The following SLC35G2 variants were observed in gnomAD, a reference collection of about 807,000 sequenced individuals.
SLC35G2 encodes solute carrier family 35 member G2.
A neutral mutation model predicts 27.2 loss-of-function variants in SLC35G2; 20 were observed. The ratio of observed to expected loss-of-function variants is 0.74; its 90% CI spans 0.52 to 1.07. The LOEUF is 1.07. Among genes scored for constraint, SLC35G2 ranks in the 50% least tolerant of loss-of-function variants. The probability of loss-of-function intolerance (pLI) is 0.00; values close to 1 mark genes in which losing one functional copy is unlikely to be tolerated. For synonymous variants in SLC35G2, 148 were observed against 165.3 expected, an observed-to-expected ratio of 0.90 and a Z score of 0.80; for missense variants, 416 against 493.3, an observed-to-expected ratio of 0.84 and a Z score of 1.48.
At chr3:136,821,742 A>C (rs1404427605) in intron 1 of SLC35G2, among the ~76,000 whole-genome samples, 1 of 152,192 alleles carries the variant, frequency 6.6e-6, no homozygotes, top group Non-Finnish European at 1.5e-5. Flanking sequence ...CTGCCTTCTT[A>C]ACAAAATTTT....
Position 136,855,015 on chromosome 3 carries a change from A to T in SLC35G2, c.555A>T (p.Ser185=). 1 of 1,614,148 alleles carries T rather than the reference A, an allele frequency of 6.2e-7. No individual in the cohort carries two copies. Among genetic ancestry groups the T allele is most frequent in the South Asian group, 1.1e-5 (1 of 91,080 alleles). The change falls in exon 2 of 2, where the codon TCA becomes TCT. Residue 185 remains serine (S), a synonymous_variant. Transcript: ENST00000446465. ...TTTCTATCACTTGTGCTTATACATC[A>T]TTTTCAATAGTTCCTCCCAGCAATG... is the stretch of plus-strand genomic sequence containing the variant. ...NVISITCAYT[S]FSIVPPSNGT...
intron 1 of SLC35G2, among the ~76,000 whole-genome samples, chr3:136,833,411 G>A (rs1936785037): frequency 6.6e-6 from 1 of 152,180 alleles, no homozygotes; most frequent in Non-Finnish European, 1.5e-5. Context: ...AGTCATTGTA[G>A]GTGGTCAATC....
chr3:136,834,036 A>G (rs964072764), intron 1 of SLC35G2, among the ~76,000 whole-genome samples: 1 of 151,970 alleles, frequency 6.6e-6, no homozygotes, highest in Non-Finnish European at 1.5e-5. Context: ...ATATATGTAT[A>G]TATTTATGTA....
chr3:136,848,953 G>T (rs1937513628), intron 1 of SLC35G2, among the ~76,000 whole-genome samples: 2 of 152,182 alleles, frequency 1.3e-5, no homozygotes, highest in South Asian at 4.1e-4. Context: ...GCTGAGGCAG[G>T]CGGATCACCT....
At chr3:136,838,252 T>C (rs1439788786) in intron 1 of SLC35G2, 55 of 4,326 alleles carry the variant, frequency 0.013, no homozygotes, top group African/African-American at 0.031. Context: ...TATACATATA[T>C]ATATATATAT....
chr3:136,851,250 T>A (rs1477745196), intron 1 of SLC35G2, among the ~76,000 whole-genome samples: 2 of 151,326 alleles, frequency 1.3e-5, no homozygotes, highest in Non-Finnish European at 2.9e-5. Flanking sequence ...ATCCCAGCAC[T>A]TTGGGAGGCC....
chr3:136,827,668 T>C (rs1936619889), intron 1 of SLC35G2, among the ~76,000 whole-genome samples: 1 of 152,200 alleles, frequency 6.6e-6, no homozygotes, highest in Admixed American at 6.5e-5. Context: ...TCCATTATCA[T>C]TTGTTTCATG....
chr3:136,822,115 C>A (rs1297659419), intron 1 of SLC35G2, among the ~76,000 whole-genome samples: 2 of 152,204 alleles, frequency 1.3e-5, no homozygotes, highest in East Asian at 3.9e-4. Flanking sequence ...TATAAACAAT[C>A]CAGCTGTACT....
intron 1 of SLC35G2, among the ~76,000 whole-genome samples, chr3:136,851,438 C>T (rs575990410): frequency 5.0e-4 from 62 of 123,706 alleles, no homozygotes; most frequent in African/African-American, 1.6e-3. Context: ...GTGGAGCTTG[C>T]AGTGAGCCGA....
At chr3:136,832,074 C>T (rs1936742999) in intron 1 of SLC35G2, among the ~76,000 whole-genome samples, 1 of 151,586 alleles carries the variant, frequency 6.6e-6, no homozygotes, top group South Asian at 2.1e-4. Context: ...AGTGCAGTGG[C>T]ACGATCTCGG....
At position 136,855,404 on chromosome 3, in the gene SLC35G2, G is replaced by A; in HGVS notation, c.944G>A (p.Gly315Glu). ...CAAGAACCCATCATCCCATTAGATG[G>A]AGAAACCTGGAGTTATCTCATTGCT... ...ILQEPIIPLDGETWSYLIAIC... is the reference protein window; with the variant it reads ...ILQEPIIPLDEETWSYLIAIC... The change falls in exon 2 of 2, where the codon GGA becomes GAA. Residue 315 changes from glycine to glutamate, a missense_variant. Gly to Glu is a moderately conservative substitution (Grantham distance 98). Coordinates refer to ENST00000446465, the MANE Select transcript of SLC35G2 (RefSeq NM_025246.3). The A allele has an allele frequency of 6.2e-7, 1 of 1,614,126 alleles. No homozygotes were observed. The highest frequency in any genetic ancestry group is 8.5e-7 in the Non-Finnish European group (1 of 1,180,016).
At chr3:136,838,221 C>G (rs1936932537) in intron 1 of SLC35G2, 1 of 149,684 alleles carries the variant, frequency 6.7e-6, no homozygotes, top group African/African-American at 2.5e-5. Context: ...TTGGTAAAGT[C>G]TCTTCAATTT....
chr3:136,845,335 C>T (rs559215340), intron 1 of SLC35G2, among the ~76,000 whole-genome samples: 10 of 152,216 alleles, frequency 6.6e-5, no homozygotes, highest in South Asian at 4.1e-4. Flanking sequence ...TTATTCTGAG[C>T]AAGCTCAGAT....
intron 1 of SLC35G2, among the ~76,000 whole-genome samples, chr3:136,853,092 C>T (rs1267747699): frequency 1.3e-5 from 2 of 151,728 alleles, no homozygotes; most frequent in East Asian, 1.9e-4. Flanking sequence ...TAGTGGACAT[C>T]GTTTTTGTTT....
chr3:136,833,960 A>G (rs1288457766), intron 1 of SLC35G2, among the ~76,000 whole-genome samples: 1 of 151,782 alleles, frequency 6.6e-6, no homozygotes, highest in Admixed American at 6.6e-5. Context: ...GCTACTGTAT[A>G]TGGTATTGTA....
intron 1 of SLC35G2, among the ~76,000 whole-genome samples, chr3:136,830,104 CTTTTTTTTTTT>C (rs71134418): frequency 5.6e-5 from 5 of 88,814 alleles, no homozygotes; most frequent in East Asian, 7.3e-4. Context: ...TACATTATTT[CTTTTTTTTTTT>C]TTTTTTTTTT....
At chr3:136,840,231 CCT>C (rs1206509290) in intron 1 of SLC35G2, among the ~76,000 whole-genome samples, 1 of 152,152 alleles carries the variant, frequency 6.6e-6, no homozygotes, top group Non-Finnish European at 1.5e-5. Context: ...CCCAGGTAGC[CCT>C]CTTTTAAGCT....
At chr3:136,842,254 T>C (rs958678397) in intron 1 of SLC35G2, 6 of 152,254 alleles carry the variant, frequency 3.9e-5, no homozygotes, top group African/African-American at 1.4e-4. Context: ...TCCAATTTCA[T>C]TGCTATTTCC....
At chr3:136,826,240 T>C (rs1233100007) in intron 1 of SLC35G2, among the ~76,000 whole-genome samples, 1 of 151,858 alleles carries the variant, frequency 6.6e-6, no homozygotes, top group Non-Finnish European at 1.5e-5. Flanking sequence ...GGTTTCACTG[T>C]GTTAGTCAGG....
Sources: gnomAD v4.1 joint callset for allele counts (sites outside exome capture counted in the v4.1 genomes callset) on GRCh38, gnomAD v4.1.1 for gene constraint, MANE v1.5 for transcripts, NCBI Gene and HGNC (gene_info 2026-07-23, HGNC 2026-07-21) for gene names.